The following BRINP2 variants were observed in gnomAD, a reference collection of about 807,000 sequenced individuals.
The protein encoded by BRINP2 is BMP/retinoic acid-inducible neural-specific protein 2.
In BRINP2, 21 loss-of-function variants were observed where a neutral mutation model predicts 69.2. That is an observed-to-expected ratio of 0.30 (90% CI 0.22 to 0.44). The LOEUF is 0.44. Among genes scored for constraint, BRINP2 ranks in the 20% least tolerant of loss-of-function variants. The probability of loss-of-function intolerance (pLI) is 1.00; values close to 1 mark genes in which losing one functional copy is unlikely to be tolerated. For synonymous variants in BRINP2, 380 were observed against 394.1 expected (o/e 0.96, Z 0.42); for missense variants, 877 against 986.0 (o/e 0.89, Z 1.48).
chr1:177,180,614 C>A (rs773966065), intron 1 of BRINP2, among the ~76,000 whole-genome samples: 2 of 152,002 alleles, frequency 1.3e-5, no homozygotes, highest in Non-Finnish European at 2.9e-5. Context: ...TACCTAAAAC[C>A]CCAATATATA....
At chr1:177,172,834 G>A (rs1162295036) in intron 1 of BRINP2, among the ~76,000 whole-genome samples, 1 of 152,186 alleles carries the variant, frequency 6.6e-6, no homozygotes, top group African/African-American at 2.4e-5. Context: ...CAAGCTTATA[G>A]TTGGGTAATC....
chr1:177,211,570 A>G (rs1052006096), intron 1 of BRINP2, among the ~76,000 whole-genome samples: 4 of 152,020 alleles, frequency 2.6e-5, no homozygotes, highest in African/African-American at 9.7e-5. Context: ...CTTAATTTAG[A>G]TTTGTCTGTG....
At chr1:177,206,072 T>C (rs1473445006) in intron 1 of BRINP2, among the ~76,000 whole-genome samples, 3 of 152,182 alleles carry the variant, frequency 2.0e-5, no homozygotes, top group Non-Finnish European at 4.4e-5. Flanking sequence ...GTTGTGAGAA[T>C]ACTTAAGCTG....
intron 1 of BRINP2, among the ~76,000 whole-genome samples, chr1:177,175,357 G>A (rs1470512909): frequency 1.3e-5 from 2 of 152,228 alleles, no homozygotes; most frequent in Non-Finnish European, 2.9e-5. Context: ...CAGCTGGGCA[G>A]GAGAGGGGAG....
intron 1 of BRINP2, among the ~76,000 whole-genome samples, chr1:177,207,662 G>C (rs1160464128): frequency 6.6e-6 from 1 of 152,148 alleles, no homozygotes; most frequent in Non-Finnish European, 1.5e-5. Flanking sequence ...TTTGTGATGA[G>C]TCTAGAATTC....
rs561644794 is a variant in BRINP2 at position 177,193,752 on chromosome 1, C to T, written c.-77+22020C>T. Among the ~76,000 whole-genome samples, 188 of 152,290 alleles carry T rather than the reference C, an allele frequency of 1.2e-3. 3 individuals carry two copies. The highest frequency in any genetic ancestry group is 2.0e-3 in the Non-Finnish European group (138 of 68,026). On this transcript the variant is annotated intron_variant, in intron 1 of 7. Coordinates refer to ENST00000361539, the MANE Select transcript of BRINP2 (RefSeq NM_021165.4). ...TGCAGGCTGAGGTCTTTACAGCAGACACTGTTGGGGCATTTATAGACTCGT... is the reference window on the plus strand; with the variant it reads ...TGCAGGCTGAGGTCTTTACAGCAGATACTGTTGGGGCATTTATAGACTCGT...
At chr1:177,196,872 T>C (rs1648762519) in intron 1 of BRINP2, among the ~76,000 whole-genome samples, 2 of 152,148 alleles carry the variant, frequency 1.3e-5, no homozygotes, top group African/African-American at 4.8e-5. Context: ...GAACTCACTC[T>C]TAACGTCTGT....
chr1:177,175,089 C>T (rs1014615415), intron 1 of BRINP2, among the ~76,000 whole-genome samples: 1 of 152,210 alleles, frequency 6.6e-6, no homozygotes, highest in African/African-American at 2.4e-5. Context: ...CTTATTTCTC[C>T]ACCCAAATGT....
At chr1:177,236,510 C>T (rs530504501) in intron 2 of BRINP2, among the ~76,000 whole-genome samples, 30 of 152,216 alleles carry the variant, frequency 2.0e-4, no homozygotes, top group African/African-American at 6.7e-4. Context: ...TTTTGAGGGC[C>T]AGCTTGGTGC....
At chr1:177,246,063 A>G (rs955229190) in intron 2 of BRINP2, among the ~76,000 whole-genome samples, 13 of 152,196 alleles carry the variant, frequency 8.5e-5, no homozygotes, top group African/African-American at 2.4e-4. Context: ...TCTCCCAGAC[A>G]GTGAAAAGAT....
chr1:177,212,331 G>A (rs1174280155), intron 1 of BRINP2, among the ~76,000 whole-genome samples: 3 of 152,046 alleles, frequency 2.0e-5, no homozygotes, highest in Non-Finnish European at 4.4e-5. Context: ...GGATCACAAG[G>A]TCAGGAGATC....
intron 2 of BRINP2, among the ~76,000 whole-genome samples, chr1:177,249,895 T>G (rs1008202457): frequency 6.6e-6 from 1 of 152,246 alleles, no homozygotes; most frequent in African/African-American, 2.4e-5. Flanking sequence ...TCTATTATTT[T>G]GGTTCCATGA....
chr1:177,177,031 C>A (rs1648108844), intron 1 of BRINP2, among the ~76,000 whole-genome samples: 1 of 152,080 alleles, frequency 6.6e-6, no homozygotes, highest in African/African-American at 2.4e-5. Flanking sequence ...ACATTATGAT[C>A]ATTCCTTGTG....
rs1033305497 is a variant in BRINP2, at chr1:177,256,765, G to C, written c.461-411G>C. 3.6e-6 allele frequency: 4 copies of C among 1,107,790 alleles called. No homozygotes were observed. The Admixed American group carries it at 1.7e-4, about 48-fold the overall frequency. 68.6% of individuals were successfully genotyped at this position (1,107,790 alleles called of 1,614,324 possible). ...CGGGCCAGCTGTCGGCACGCGGCAG[G>C]TGTTGAGTGTTTGATGGGGAGGAGG... On this transcript the variant is annotated intron_variant, in intron 3 of 7. Transcript: ENST00000361539.
In BRINP2 at chr1:177,248,468, T is replaced by C. The variant is rs551973628; in HGVS notation, c.270-7451T>C. Among the ~76,000 whole-genome samples, 9 of 150,704 alleles carry C rather than the reference T, an allele frequency of 6.0e-5. No homozygotes were observed. In the South Asian group the frequency reaches 1.5e-3, roughly 25 times the overall value. The stretch of plus-strand genomic sequence containing the variant: ...GTGTGTGTGTGTGCGTGCGTGTGTG[T>C]GTGCGTGTGTGTGTGTGTGTGCGTG... On this transcript the variant is annotated intron_variant, in intron 2 of 7. Transcript: ENST00000361539.
At chr1:177,184,305 C>T (rs1050597457) in intron 1 of BRINP2, among the ~76,000 whole-genome samples, 3 of 152,090 alleles carry the variant, frequency 2.0e-5, no homozygotes, top group Non-Finnish European at 2.9e-5. Flanking sequence ...TAGGTCTCCC[C>T]TCCCCTTACT....
intron 7 of BRINP2, 104 bp from the exon 8 acceptor site, chr1:177,280,308 T>C: frequency 8.4e-7 from 1 of 1,191,106 alleles, no homozygotes; most frequent in African/African-American, 1.5e-5. Flanking sequence ...TTTATTTTCC[T>C]CATTGCCTTC....
intron 1 of BRINP2, among the ~76,000 whole-genome samples, chr1:177,199,258 T>C (rs1254658474): frequency 6.6e-6 from 1 of 152,198 alleles, no homozygotes; most frequent in Non-Finnish European, 1.5e-5. Context: ...CAATGACCTA[T>C]TTTCAGTAGG....
intron 1 of BRINP2, among the ~76,000 whole-genome samples, chr1:177,200,015 C>T (rs1648855362): frequency 6.6e-6 from 1 of 152,058 alleles, no homozygotes; most frequent in African/African-American, 2.4e-5. Context: ...AGGCCAGGCG[C>T]CAGGTGTGGG....
Sources: allele counts gnomAD v4.1 joint callset (sites outside exome capture counted in the v4.1 genomes callset), GRCh38; gene constraint gnomAD v4.1.1; transcripts MANE v1.5; gene names NCBI Gene and HGNC (gene_info 2026-07-23, HGNC 2026-07-21).